OLFML2B: variants seen among roughly 807,000 people sequenced by gnomAD.
OLFML2B encodes the protein olfactomedin-like protein 2B.
A neutral mutation model predicts 74.9 loss-of-function variants in OLFML2B; 57 were observed. The observed-to-expected ratio is 0.76, with a 90% confidence interval of 0.61 to 0.95. The LOEUF (loss-of-function observed/expected upper bound fraction) is 0.95. OLFML2B is among the 40% of genes least tolerant of loss of function. OLFML2B has a pLI of 0.00. For missense variants in OLFML2B, 986 were observed against 970.6 expected, an observed-to-expected ratio of 1.02 and a Z score of -0.21; for synonymous variants, 388 against 405.8, an observed-to-expected ratio of 0.96 and a Z score of 0.53.
intron 3 of OLFML2B, among the ~76,000 whole-genome samples, chr1:162,011,787 A>C (rs1690396290): frequency 6.6e-6 from 1 of 152,210 alleles, no homozygotes; most frequent in Non-Finnish European, 1.5e-5. Flanking sequence ...GCCTCTGGTG[A>C]TGAATTTCTA....
At chr1:162,003,271 G>A (rs986129660) in intron 4 of OLFML2B, among the ~76,000 whole-genome samples, 8 of 152,208 alleles carry the variant, frequency 5.3e-5, no homozygotes, top group Non-Finnish European at 1.0e-4. Flanking sequence ...AGAGCTGCTC[G>A]GCAGGCTGTC....
At position 162,006,277 on chromosome 1, in the gene OLFML2B, C is replaced by T. The variant is rs751409076; in HGVS notation, c.723+20G>A. The T allele has an allele frequency of 6.5e-7, 1 of 1,535,420 alleles. No homozygotes were observed. The highest frequency in any genetic ancestry group is 1.4e-5 in the African/African-American group (1 of 71,188). On this transcript the variant is annotated intron_variant, in intron 4 of 7. Transcript: ENST00000294794. The stretch of plus-strand genomic sequence containing the variant: ...CTTCCAGGGCTTGTGATCAGAGGCC[C>T]TTGGAGGCTGGGGCTATACCTCTGG...
At chr1:161,994,789 A>ATT (rs11384985) in intron 6 of OLFML2B, among the ~76,000 whole-genome samples, 62 of 151,832 alleles carry the variant, frequency 4.1e-4, no homozygotes, top group Middle Eastern at 6.8e-3. Flanking sequence ...TTGTTTTTGG[A>ATT]TTTTTTTTGA....
intron 4 of OLFML2B, among the ~76,000 whole-genome samples, chr1:162,005,277 C>T (rs1157431686): frequency 6.6e-6 from 1 of 152,208 alleles, no homozygotes; most frequent in Admixed American, 6.5e-5. Context: ...TCACTCAAAT[C>T]ACATTAGGCA....
chr1:162,017,935 T>C (rs932920239), intron 2 of OLFML2B, among the ~76,000 whole-genome samples: 12 of 152,136 alleles, frequency 7.9e-5, no homozygotes, highest in African/African-American at 1.2e-4. Context: ...GTATATACCA[T>C]GGAATACTAT....
In OLFML2B at chr1:161,984,038, C is replaced by T. The variant is rs1558051027; in HGVS notation, c.1890G>A (p.Trp630Ter). ...VDFAVDENGL[W>*]LIYPALDDEG... is the part of the protein sequence containing the mutation. Reference sequence around the variant, plus strand: ...CATCGTCCAGGGCCGGGTAGATGAGCCATAGGCCATTCTCGTCCACAGCAA... The same window carrying T: ...CATCGTCCAGGGCCGGGTAGATGAGTCATAGGCCATTCTCGTCCACAGCAA... Residue 630 changes from tryptophan (W) to a stop codon, truncating the protein, a stop_gained, in exon 8 of 8, where the codon TGG (tryptophan) becomes TGA (stop). Coordinates refer to ENST00000294794, the MANE Select transcript of OLFML2B (RefSeq NM_015441.3). LOFTEE classifies it high-confidence loss of function. The T allele has an allele frequency of 6.2e-7, 1 of 1,614,180 alleles. No homozygotes were observed. The highest frequency in any genetic ancestry group is 8.5e-7 in the Non-Finnish European group (1 of 1,180,038).
chr1:161,996,186 C>T (rs1382688615), intron 6 of OLFML2B, among the ~76,000 whole-genome samples: 2 of 152,212 alleles, frequency 1.3e-5, no homozygotes, highest in Non-Finnish European at 2.9e-5. Flanking sequence ...TATTCTGAAA[C>T]TTTCACCCAA....
At chr1:161,990,427 T>G (rs1348992498) in intron 6 of OLFML2B, among the ~76,000 whole-genome samples, 2 of 152,258 alleles carry the variant, frequency 1.3e-5, no homozygotes, top group African/African-American at 4.8e-5. Context: ...AAAGTGAGTT[T>G]CACAACTTTT....
chr1:162,016,009 T>C (rs1005340656), intron 3 of OLFML2B, among the ~76,000 whole-genome samples: 13 of 152,192 alleles, frequency 8.5e-5, no homozygotes, highest in African/African-American at 2.9e-4. Flanking sequence ...ATCATAGCAT[T>C]GGAGGAGCTA....
rs1690794136 is a variant in OLFML2B at position 162,023,507 on chromosome 1, G to C, written c.-77C>G. 2.2e-6 allele frequency: 3 copies of C among 1,369,798 alleles called. No individual in the cohort carries two copies. Among genetic ancestry groups the C allele is most frequent in the Non-Finnish European group, 2.9e-6 (3 of 1,041,838 alleles). 84.9% of individuals were successfully genotyped at this position (1,369,798 alleles called of 1,614,324 possible). A position where few individuals can be genotyped will look rare whatever the true frequency, so the allele number is the denominator to read the frequency against. Reference sequence around the variant, plus strand: ...GGGGTCTCGGCAAGGACTTCTGCGAGAGGGTGTCCTCGCTAGAGCCCGAAA... The same window carrying C: ...GGGGTCTCGGCAAGGACTTCTGCGACAGGGTGTCCTCGCTAGAGCCCGAAA... On this transcript the variant is annotated 5_prime_UTR_variant, in exon 1 of 8. Coordinates refer to ENST00000294794, the MANE Select transcript of OLFML2B (RefSeq NM_015441.3).
At position 162,006,185 on chromosome 1, in the gene OLFML2B, G is replaced by A. The variant is rs16837911; in HGVS notation, c.723+112C>T. ...TGCAGAACAATTGTATGGATGAAGC[G>A]AGCTCATCTCTGTGAAAGGACTGAA... is the stretch of plus-strand genomic sequence containing the variant. On this transcript the variant is annotated intron_variant, in intron 4 of 7. Transcript: ENST00000294794. The A allele has an allele frequency of 5.9e-3, 5,820 of 985,444 alleles. 241 individuals carry two copies. The African/African-American group carries it at 0.084, about 14-fold the overall frequency. 61.0% of individuals were successfully genotyped at this position (985,444 alleles called of 1,614,324 possible). A position where few individuals can be genotyped will look rare whatever the true frequency, so the allele number is the denominator to read the frequency against.
chr1:162,022,577 T>G (rs114252303), intron 1 of OLFML2B, among the ~76,000 whole-genome samples: 1,684 of 152,294 alleles, frequency 0.011, 15 homozygotes, highest in Middle Eastern at 0.027. Flanking sequence ...GGTCTTTATC[T>G]ATAAATGGGT....
chr1:162,023,068 C>T (rs1690771408), intron 1 of OLFML2B, among the ~76,000 whole-genome samples, 189 bp downstream of exon 1: 2 of 152,132 alleles, frequency 1.3e-5, no homozygotes, highest in African/African-American at 4.8e-5. Context: ...CTTTAAGCAC[C>T]CTATGATTTT....
At position 162,006,482 on chromosome 1, in the gene OLFML2B, G is replaced by GAAA. The variant is rs34863451; in HGVS notation, c.547-12_547-10dup. The GAAA allele has an allele frequency of 9.2e-5, 105 of 1,136,156 alleles. No individual in the cohort carries two copies. The highest frequency in any genetic ancestry group is 2.4e-4 in the Admixed American group (9 of 37,002). 70.4% of individuals were successfully genotyped at this position (1,136,156 alleles called of 1,614,324 possible). ...AGGTTTTTAGACACTTCCTGAGAAG[G>GAAA]AAAAAAAAAAGATGATCCATTAAAG... is the stretch of plus-strand genomic sequence containing the variant. On this transcript the variant is annotated splice_polypyrimidine_tract_variant and intron_variant, in intron 3 of 7. Coordinates refer to ENST00000294794, the MANE Select transcript of OLFML2B (RefSeq NM_015441.3).
At chr1:162,001,597 T>C (rs1690081624) in intron 4 of OLFML2B, among the ~76,000 whole-genome samples, 1 of 152,200 alleles carries the variant, frequency 6.6e-6, no homozygotes, top group South Asian at 2.1e-4. Context: ...CAAACATTTC[T>C]ATTGTTTAAG....
At chr1:162,020,309 C>G (rs914608968) in intron 1 of OLFML2B, 127 bp from the exon 2 acceptor site, 18 of 1,083,478 alleles carry the variant, frequency 1.7e-5, no homozygotes, top group Non-Finnish European at 2.2e-5. Context: ...CTCTGAACCA[C>G]AGAGCCAATA....
intron 6 of OLFML2B, among the ~76,000 whole-genome samples, chr1:161,992,315 T>A (rs1689763813): frequency 6.6e-6 from 1 of 152,258 alleles, no homozygotes; most frequent in South Asian, 2.1e-4. Flanking sequence ...ATTAGGGAAT[T>A]TTGCTTAAGG....
intron 3 of OLFML2B, among the ~76,000 whole-genome samples, chr1:162,008,419 C>T (rs1292554922): frequency 2.0e-5 from 3 of 152,170 alleles, no homozygotes; most frequent in Admixed American, 2.0e-4. Flanking sequence ...GGAACCAGCA[C>T]CCAGCCTCCT....
chr1:162,020,505 T>C (rs1433868894), intron 1 of OLFML2B, among the ~76,000 whole-genome samples: 1 of 152,094 alleles, frequency 6.6e-6, no homozygotes, highest in Non-Finnish European at 1.5e-5. Flanking sequence ...AATCCAGGTT[T>C]AGGCTTTCTT....
Sources: allele counts gnomAD v4.1 joint callset (sites outside exome capture counted in the v4.1 genomes callset), GRCh38; gene constraint gnomAD v4.1.1; transcripts MANE v1.5; gene names NCBI Gene and HGNC (gene_info 2026-07-23, HGNC 2026-07-21).